Variants in DOCK3 observed in about 807,000 individuals in gnomAD.
DOCK3 encodes dedicator of cytokinesis 3.
DOCK3 carries 60 observed loss-of-function variants against 265.6 expected under a neutral mutation model. The ratio of observed to expected loss-of-function variants is 0.23; its 90% CI spans 0.18 to 0.28. The LOEUF (loss-of-function observed/expected upper bound fraction) is 0.28, where lower values mean the gene tolerates loss of function less well. DOCK3 is among the 10% of genes least tolerant of loss of function. The pLI, the probability that DOCK3 is intolerant of heterozygous loss-of-function variation, is 1.00. For missense variants in DOCK3, 1,981 were observed against 2,594.3 expected, an observed-to-expected ratio of 0.76 and a Z score of 5.14; for synonymous variants, 881 against 938.0, an observed-to-expected ratio of 0.94 and a Z score of 1.11.
chr3:51,200,365 C>T lies in DOCK3; in HGVS notation c.1038-8409C>T, dbSNP rs575873794. ...GCTGATGGAGCTGAAAGCCAAGGCT[C>T]GAGAACAACGTGAAGAATGCAGAAG... On this transcript the variant is annotated intron_variant, in intron 12 of 52. Transcript: ENST00000266037. Among the ~76,000 whole-genome samples, 273 of 149,100 alleles carry T rather than the reference C, an allele frequency of 1.8e-3. 1 individual carries two copies. The highest frequency in any genetic ancestry group is 6.4e-3 in the African/African-American group (257 of 40,236).
At chr3:51,212,147 T>C (rs1028991708) in intron 13 of DOCK3, among the ~76,000 whole-genome samples, 1 of 152,148 alleles carries the variant, frequency 6.6e-6, no homozygotes, top group Non-Finnish European at 1.5e-5. Context: ...ATAGCCTCCA[T>C]TGGTGATTTC....
intron 5 of DOCK3, among the ~76,000 whole-genome samples, chr3:50,939,845 TAGA>T (rs2076235995): frequency 6.6e-6 from 1 of 152,050 alleles, no homozygotes; most frequent in Non-Finnish European, 1.5e-5. Flanking sequence ...AACACAATAT[TAGA>T]AGATTTAACC....
chr3:50,981,845 T>A (rs2077704000), intron 5 of DOCK3, among the ~76,000 whole-genome samples: 1 of 151,696 alleles, frequency 6.6e-6, no homozygotes, highest in Admixed American at 6.6e-5. Flanking sequence ...TTGTTTTTTA[T>A]TTATTTTATT....
intron 1 of DOCK3, among the ~76,000 whole-genome samples, chr3:50,744,927 ACCCT>A (rs1559582941): frequency 3.9e-5 from 6 of 151,998 alleles, no homozygotes. Context: ...CTATATGTCT[ACCCT>A]TATGTTAGTA....
chr3:51,158,388 AT>A (rs2085959799), intron 10 of DOCK3, among the ~76,000 whole-genome samples: 1 of 152,092 alleles, frequency 6.6e-6, no homozygotes, highest in African/African-American at 2.4e-5. Flanking sequence ...TCTACAAATA[AT>A]TTTAAAAATA....
At chr3:50,949,912 T>C (rs73833952) in intron 5 of DOCK3, among the ~76,000 whole-genome samples, 3,807 of 152,204 alleles carry the variant, frequency 0.025, 181 homozygotes, top group African/African-American at 0.087. Flanking sequence ...TTATTTTTTA[T>C]TTAACTTCTG....
At chr3:51,162,470 C>T (rs2086186641) in intron 12 of DOCK3, among the ~76,000 whole-genome samples, 1 of 152,192 alleles carries the variant, frequency 6.6e-6, no homozygotes, top group Admixed American at 6.5e-5. Context: ...AGGCTTTCTC[C>T]ATTTACCAAA....
intron 7 of DOCK3, among the ~76,000 whole-genome samples, chr3:51,087,919 AATCAGTATATAAATGAGAC>A (rs1007071411): frequency 1.1e-4 from 17 of 152,144 alleles, no homozygotes; most frequent in African/African-American, 4.1e-4. Context: ...AAGAAAGAAA[AATCAGTATATAAATGAGAC>A]ACCAGCACCC....
At chr3:50,926,479 C>T (rs2050763631) in intron 4 of DOCK3, among the ~76,000 whole-genome samples, 1 of 152,180 alleles carries the variant, frequency 6.6e-6, no homozygotes, top group Non-Finnish European at 1.5e-5. Flanking sequence ...TCATGCTTTT[C>T]TCTAGGATGG....
At chr3:50,849,913 G>A (rs890817497) in intron 3 of DOCK3, among the ~76,000 whole-genome samples, 8 of 151,480 alleles carry the variant, frequency 5.3e-5, no homozygotes, top group Non-Finnish European at 8.8e-5. Context: ...GCGAAACCTC[G>A]TCTTTAAAAA....
chr3:50,705,691 A>G (rs887074229), intron 1 of DOCK3, among the ~76,000 whole-genome samples: 1 of 152,078 alleles, frequency 6.6e-6, no homozygotes, highest in Non-Finnish European at 1.5e-5. Flanking sequence ...CTGGGATTAC[A>G]GGCATGAGCT....
At chr3:51,046,454 A>G (rs1434126689) in intron 5 of DOCK3, among the ~76,000 whole-genome samples, 1 of 152,210 alleles carries the variant, frequency 6.6e-6, no homozygotes, top group Non-Finnish European at 1.5e-5. Context: ...TATGTGTATC[A>G]GACAAAATAG....
chr3:50,767,597 T>G lies in DOCK3; in HGVS notation c.38-11078T>G, dbSNP rs1047435040. On this transcript the variant is annotated intron_variant, in intron 1 of 52. Coordinates refer to ENST00000266037, the MANE Select transcript of DOCK3 (RefSeq NM_004947.5). ...TTGTGGCTTAGGATTGTCTTGGCAA[T>G]GCGGGCCCGTTTTTGGTTCCATATG... Among the ~76,000 whole-genome samples, 5 of 152,144 alleles carry G rather than the reference T, an allele frequency of 3.3e-5. 1 individual carries two copies. The highest frequency in any genetic ancestry group is 2.6e-4 in the Admixed American group (4 of 15,258).
At chr3:50,968,553 A>ATTTTTTTT (rs749920591) in intron 5 of DOCK3, among the ~76,000 whole-genome samples, 10 of 139,380 alleles carry the variant, frequency 7.2e-5, no homozygotes, top group Non-Finnish European at 1.1e-4. Flanking sequence ...TATGATTTCA[A>ATTTTTTTT]TTTTTTTTTT....
intron 24 of DOCK3, 21 bp downstream of exon 24, chr3:51,271,028 AGTCCTCCTTCCTTCCAGGGGT>A (rs775926923): frequency 2.9e-4 from 458 of 1,603,768 alleles, no homozygotes; most frequent in Non-Finnish European, 3.5e-4. Context: ...TTGGGATGAG[AGTCCTCCTTCCTTCCAGGGGT>A]GTCCTCCTTC....
At chr3:51,053,323 A>G (rs984248863) in intron 5 of DOCK3, among the ~76,000 whole-genome samples, 1 of 151,004 alleles carries the variant, frequency 6.6e-6, no homozygotes, top group Admixed American at 6.6e-5. Context: ...CAGTTCAGTG[A>G]TCTTCTTATT....
At chr3:50,746,648 A>G (rs1326115656) in intron 1 of DOCK3, among the ~76,000 whole-genome samples, 1 of 152,198 alleles carries the variant, frequency 6.6e-6, no homozygotes. Context: ...CAGGCTGTAC[A>G]CACGGCATAG....
chr3:51,018,789 TTATGAA>T (rs139968831), intron 5 of DOCK3, among the ~76,000 whole-genome samples: 7,085 of 151,986 alleles, frequency 0.047, 721 homozygotes, highest in African/African-American at 0.16. Context: ...AACTTTTAGA[TTATGAA>T]TGCTCATCCT....
At chr3:51,354,338 A>G (rs2086216015) in intron 40 of DOCK3, among the ~76,000 whole-genome samples, 1 of 151,838 alleles carries the variant, frequency 6.6e-6, no homozygotes, top group African/African-American at 2.4e-5. Context: ...CCCGGGAAGC[A>G]TATGGCTGGC....
Sources: allele counts gnomAD v4.1 joint callset (sites outside exome capture counted in the v4.1 genomes callset), GRCh38; gene constraint gnomAD v4.1.1; transcripts MANE v1.5; gene names NCBI Gene and HGNC (gene_info 2026-07-23, HGNC 2026-07-21).